Variants in MYO1D observed in about 807,000 individuals in gnomAD.
MYO1D encodes unconventional myosin-Id.
In MYO1D, 83 loss-of-function variants were observed where a neutral mutation model predicts 122.0. The observed-to-expected ratio is 0.68, with a 90% confidence interval of 0.57 to 0.82. The LOEUF is 0.82. Among genes scored for constraint, MYO1D ranks in the 40% least tolerant of loss-of-function variants. The pLI, the probability that MYO1D is intolerant of heterozygous loss-of-function variation, is 0.00. For missense variants in MYO1D, 1,157 were observed against 1,269.5 expected (o/e 0.91, Z 1.35); for synonymous variants, 464 against 446.9 (o/e 1.04, Z -0.48).
At chr17:32,588,575 C>T (rs375015281) in intron 21 of MYO1D, among the ~76,000 whole-genome samples, 20 of 152,140 alleles carry the variant, frequency 1.3e-4, no homozygotes, top group African/African-American at 3.4e-4. Flanking sequence ...TTTTTGGTAA[C>T]TTCACAAATT....
At chr17:32,597,868 C>CA (rs755415435) in intron 21 of MYO1D, among the ~76,000 whole-genome samples, 5,592 of 61,910 alleles carry the variant, frequency 0.09, 234 homozygotes, top group Middle Eastern at 0.13. Context: ...AACCCTGTCT[C>CA]AAAAAAAAAA....
intron 21 of MYO1D, among the ~76,000 whole-genome samples, chr17:32,602,945 T>C (rs1208777987): frequency 6.6e-6 from 1 of 151,924 alleles, no homozygotes; most frequent in African/African-American, 2.4e-5. Flanking sequence ...AAAAAGTAAA[T>C]AGTAAGTTGA....
At chr17:32,676,720 A>G (rs2088814940) in intron 16 of MYO1D, among the ~76,000 whole-genome samples, 1 of 152,206 alleles carries the variant, frequency 6.6e-6, no homozygotes, top group African/African-American at 2.4e-5. Context: ...TGTTCTGTGA[A>G]ATAAATCTGT....
intron 1 of MYO1D, among the ~76,000 whole-genome samples, chr17:32,846,937 T>C (rs2090942430): frequency 6.6e-6 from 1 of 152,128 alleles, no homozygotes; most frequent in Non-Finnish European, 1.5e-5. Flanking sequence ...CAGTAAGCTA[T>C]GATCACACCA....
intron 1 of MYO1D, among the ~76,000 whole-genome samples, chr17:32,809,145 A>AAC (rs1555544320): frequency 2.0e-5 from 3 of 151,650 alleles, no homozygotes; most frequent in Admixed American, 6.6e-5. Context: ...AAAAAAAAAA[A>AAC]AAAAAACTGT....
At chr17:32,844,171 A>C (rs2090911410) in intron 1 of MYO1D, among the ~76,000 whole-genome samples, 1 of 149,096 alleles carries the variant, frequency 6.7e-6, no homozygotes, top group Non-Finnish European at 1.5e-5. Flanking sequence ...TAAAACATAT[A>C]CTGATAAGTG....
intron 16 of MYO1D, among the ~76,000 whole-genome samples, chr17:32,668,701 TTTTC>T (rs2088668950): frequency 6.6e-6 from 1 of 151,652 alleles, no homozygotes; most frequent in African/African-American, 2.4e-5. Flanking sequence ...GAGAATTTCT[TTTTC>T]TTTTTTTTTT....
At chr17:32,677,312 C>T (rs2088826455) in intron 16 of MYO1D, among the ~76,000 whole-genome samples, 1 of 151,994 alleles carries the variant, frequency 6.6e-6, no homozygotes. Context: ...CCATGAATGG[C>T]AGCAGATTCT....
chr17:32,535,463 T>C (rs1910632827), intron 21 of MYO1D, among the ~76,000 whole-genome samples: 3 of 152,214 alleles, frequency 2.0e-5, no homozygotes, highest in Non-Finnish European at 4.4e-5. Context: ...ACATTGTACT[T>C]GTGGCCGGGC....
chr17:32,615,003 G>T (rs374537487), intron 20 of MYO1D, among the ~76,000 whole-genome samples: 1 of 152,234 alleles, frequency 6.6e-6, no homozygotes, highest in Non-Finnish European at 1.5e-5. Flanking sequence ...AGACATTGTG[G>T]AGCAGAGGCA....
Position 32,876,853 on chromosome 17 carries a change from A to T in MYO1D, c.20T>A (p.Leu7Gln), listed in dbSNP as rs767962715. The T allele has an allele frequency of 7.9e-6, 12 of 1,510,878 alleles. No homozygotes were observed. Among genetic ancestry groups the T allele is most frequent in the Non-Finnish European group, 1.1e-5 (12 of 1,128,658 alleles). The allele number at this position is 1,510,878 out of a possible 1,614,324, so 93.6% of individuals were successfully genotyped here. ...CACGAAGTCTGCCTTGCCGAATTCC[A>T]GGCTCTCCTGCTCCGCCATGGCGCC... MAEQES[L>Q]EFGKADFVLM... The change falls in exon 1 of 22, where the codon CTG (leucine) becomes CAG (glutamine). Residue 7 changes from leucine (L) to glutamine (Q), a missense_variant. By Grantham distance (113) the Leu-to-Gln change is moderately radical. Coordinates refer to ENST00000318217, the MANE Select transcript of MYO1D (RefSeq NM_015194.3).
intron 20 of MYO1D, among the ~76,000 whole-genome samples, chr17:32,608,276 T>C (rs1567907734): frequency 1.3e-5 from 2 of 152,186 alleles, no homozygotes; most frequent in Non-Finnish European, 2.9e-5. Flanking sequence ...AAAGAGCTCT[T>C]AAAACTTGAT....
At chr17:32,654,736 G>A (rs985701219) in intron 17 of MYO1D, 115 bp from the exon 18 acceptor site, 10 of 1,001,028 alleles carry the variant, frequency 1.0e-5, no homozygotes, top group Non-Finnish European at 1.4e-6. Context: ...TGGAGTGCAT[G>A]GCATGATCTC....
intron 19 of MYO1D, among the ~76,000 whole-genome samples, chr17:32,645,110 G>T (rs1361690972): frequency 6.6e-6 from 1 of 152,116 alleles, no homozygotes; most frequent in Non-Finnish European, 1.5e-5. Context: ...CAGGCCTGGT[G>T]GTGACAAAAT....
At chr17:32,590,606 G>A (rs899441152) in intron 21 of MYO1D, among the ~76,000 whole-genome samples, 2 of 152,126 alleles carry the variant, frequency 1.3e-5, no homozygotes, top group African/African-American at 4.8e-5. Context: ...CTGAATGATG[G>A]TATAAAAATA....
chr17:32,499,965 AAAAATAAAAAAT>A (rs1909260519), intron 21 of MYO1D, among the ~76,000 whole-genome samples: 1 of 152,218 alleles, frequency 6.6e-6, no homozygotes, highest in Non-Finnish European at 1.5e-5. Flanking sequence ...CCCATCTTTG[AAAAATAAAAAAT>A]AAAATAAAAA....
chr17:32,521,636 C>T (rs1422090317), intron 21 of MYO1D, among the ~76,000 whole-genome samples: 1 of 152,178 alleles, frequency 6.6e-6, no homozygotes, highest in Non-Finnish European at 1.5e-5. Flanking sequence ...GAACCCTAGC[C>T]AGCCAACCTG....
chr17:32,532,682 C>CGA (rs1208120676), intron 21 of MYO1D, among the ~76,000 whole-genome samples: 2 of 148,620 alleles, frequency 1.3e-5, no homozygotes, highest in African/African-American at 5.0e-5. Flanking sequence ...GCCGAGATTG[C>CGA]CACTGCACTC....
intron 21 of MYO1D, among the ~76,000 whole-genome samples, chr17:32,603,490 C>T (rs1367849299): frequency 6.6e-6 from 1 of 150,448 alleles, no homozygotes; most frequent in African/African-American, 2.4e-5. Context: ...TGCAGAGATG[C>T]CTTCTTTATG....
Sources: allele counts gnomAD v4.1 joint callset (sites outside exome capture counted in the v4.1 genomes callset), GRCh38; gene constraint gnomAD v4.1.1; transcripts MANE v1.5; gene names NCBI Gene and HGNC (gene_info 2026-07-23, HGNC 2026-07-21).